Variants in APBB2 observed in about 807,000 individuals in gnomAD.
APBB2 encodes the protein Fe65-like 1.
Under a neutral mutation model 82.5 loss-of-function variants are expected in APBB2, and 38 were observed. That is an observed-to-expected ratio of 0.46 (90% CI 0.36 to 0.60). APBB2 has a LOEUF of 0.60. Ranked by LOEUF, APBB2 falls within the 20% of genes least tolerant of loss-of-function variation. The pLI is 0.00. For synonymous variants in APBB2, 341 were observed against 368.2 expected, an observed-to-expected ratio of 0.93 and a Z score of 0.85; for missense variants, 772 against 972.3, an observed-to-expected ratio of 0.79 and a Z score of 2.74.
At chr4:41,179,197 A>T (rs1387704303) in intron 1 of APBB2, among the ~76,000 whole-genome samples, 1 of 152,220 alleles carries the variant, frequency 6.6e-6, no homozygotes, top group African/African-American at 2.4e-5. Context: ...ACTGTGTTCT[A>T]ATGTTCTGAG....
At chr4:40,948,890 C>CAAAAAAAAAAAAAAAAAAAAAAAAAA (rs59172492) in intron 6 of APBB2, among the ~76,000 whole-genome samples, 2 of 101,614 alleles carry the variant, frequency 2.0e-5, no homozygotes, top group African/African-American at 8.1e-5. Flanking sequence ...ATCCTGTCTC[C>CAAAAAAAAAAAAAAAAAAAAAAAAAA]AAAAAAAAAA....
At chr4:40,951,654 G>A (rs77907703) in intron 6 of APBB2, among the ~76,000 whole-genome samples, 3 of 152,210 alleles carry the variant, frequency 2.0e-5, no homozygotes, top group South Asian at 2.1e-4. Flanking sequence ...GTAAAACAGG[G>A]ATCATAATAG....
At chr4:41,139,533 T>C (rs1580348848) in intron 2 of APBB2, among the ~76,000 whole-genome samples, 2 of 152,148 alleles carry the variant, frequency 1.3e-5, no homozygotes, top group African/African-American at 4.8e-5. Flanking sequence ...TGTCCTTCAA[T>C]AGGTGAATGG....
chr4:41,034,361 G>C (rs1278624381), intron 4 of APBB2, among the ~76,000 whole-genome samples: 1 of 152,204 alleles, frequency 6.6e-6, no homozygotes, highest in East Asian at 1.9e-4. Flanking sequence ...GTCTGGCTCT[G>C]TCACCCAGGC....
intron 1 of APBB2, chr4:41,177,486 T>C (rs896160768): frequency 6.6e-6 from 1 of 152,222 alleles, no homozygotes; most frequent in Non-Finnish European, 1.5e-5. Flanking sequence ...AATTAACAAA[T>C]ATTTATTTTA....
Position 41,122,715 on chromosome 4 carries a change from A to T in APBB2, c.-261+20272T>A, listed in dbSNP as rs1464941392. The stretch of plus-strand genomic sequence containing the variant: ...ATGCCATTATCTGCAATAAACCACA[A>T]GGCAGAGGATATATCTTGTAATTTC... On this transcript the variant is annotated intron_variant, in intron 2 of 17. Coordinates refer to ENST00000508593, the MANE Select transcript of APBB2 (RefSeq NM_004307.2). 3.3e-5 allele frequency among the ~76,000 whole-genome samples: 5 copies of T among 152,212 alleles called. No individual in the cohort carries two copies. The East Asian group carries it at 9.6e-4, about 29-fold the overall frequency.
rs188024475 is a variant in APBB2, at chr4:40,906,543, G to T, written c.1255-13132C>A. ...AAAATTCCCACCAGTACTTAGTTAA[G>T]GGGATTTCAGAGTCCCAATGAGGAG... On this transcript the variant is annotated intron_variant, in intron 10 of 17. Coordinates refer to ENST00000508593, the MANE Select transcript of APBB2 (RefSeq NM_004307.2). Among the ~76,000 whole-genome samples, 179 of 151,454 alleles carry T rather than the reference G, an allele frequency of 1.2e-3. 1 individual carries two copies. Among genetic ancestry groups the T allele is most frequent in the African/African-American group, 4.0e-3 (166 of 41,214 alleles).
chr4:41,012,795 A>T (rs1808760608), intron 6 of APBB2, among the ~76,000 whole-genome samples: 2 of 152,218 alleles, frequency 1.3e-5, no homozygotes, highest in African/African-American at 4.8e-5. Flanking sequence ...CGCTGAATTC[A>T]GATACAATAA....
chr4:41,182,330 T>C (rs1771655760), intron 1 of APBB2, among the ~76,000 whole-genome samples: 1 of 152,262 alleles, frequency 6.6e-6, no homozygotes, highest in African/African-American at 2.4e-5. Context: ...TTCTACTGAA[T>C]GATTACTCTA....
At chr4:40,873,111 ACC>A (rs1458067637) in intron 12 of APBB2, among the ~76,000 whole-genome samples, 2 of 149,376 alleles carry the variant, frequency 1.3e-5, no homozygotes, top group Non-Finnish European at 3.0e-5. Context: ...AAAAGATGGT[ACC>A]GTATATGGAT....
At chr4:41,187,252 G>C (rs1195549438) in intron 1 of APBB2, among the ~76,000 whole-genome samples, 1 of 152,026 alleles carries the variant, frequency 6.6e-6, no homozygotes, top group African/African-American at 2.4e-5. Context: ...TGGGATTTCA[G>C]GTGATTTTTT....
chr4:40,842,451 A>G, intron 12 of APBB2: 1 of 440,112 alleles, frequency 2.3e-6, no homozygotes, highest in Non-Finnish European at 4.6e-6. Context: ...CCAATAACAC[A>G]GCCCCGTTAA....
intron 6 of APBB2, among the ~76,000 whole-genome samples, chr4:40,975,511 T>C (rs1301227351): frequency 1.3e-5 from 2 of 152,162 alleles, no homozygotes; most frequent in Admixed American, 6.5e-5. Context: ...CTTGAGGCTA[T>C]AAACCTCATG....
intron 2 of APBB2, among the ~76,000 whole-genome samples, chr4:41,124,862 T>C (rs1753934414): frequency 6.6e-6 from 1 of 152,334 alleles, no homozygotes; most frequent in East Asian, 1.9e-4. Flanking sequence ...CCTAAGTACC[T>C]TCAATCTGCC....
chr4:41,211,376 G>C (rs1441380288), intron 1 of APBB2, among the ~76,000 whole-genome samples: 1 of 151,734 alleles, frequency 6.6e-6, no homozygotes, highest in Admixed American at 6.6e-5. Context: ...TTTCCTAAAA[G>C]TCTGTCCCAC....
intron 6 of APBB2, among the ~76,000 whole-genome samples, chr4:40,987,668 T>C (rs1719959769): frequency 6.6e-6 from 1 of 151,366 alleles, no homozygotes; most frequent in Non-Finnish European, 1.5e-5. Context: ...AGGGTTCTGG[T>C]TGATGGCCAC....
chr4:40,896,105 C>T (rs1364771909), intron 10 of APBB2, among the ~76,000 whole-genome samples: 2 of 151,812 alleles, frequency 1.3e-5, no homozygotes, highest in Non-Finnish European at 2.9e-5. Flanking sequence ...TGCTCTGTCA[C>T]CCCGGCTGGA....
At chr4:40,949,553 G>T (rs1271867058) in intron 6 of APBB2, among the ~76,000 whole-genome samples, 1 of 152,008 alleles carries the variant, frequency 6.6e-6, no homozygotes, top group Non-Finnish European at 1.5e-5. Context: ...CTTAATGGCC[G>T]CCCTCCGATG....
intron 6 of APBB2, among the ~76,000 whole-genome samples, chr4:40,955,975 T>C (rs1047710497): frequency 2.6e-5 from 4 of 152,068 alleles, no homozygotes; most frequent in South Asian, 2.1e-4. Context: ...GGTTTCACCA[T>C]GTTGGCCAGG....
Sources: gnomAD v4.1 joint callset for allele counts (sites outside exome capture counted in the v4.1 genomes callset) on GRCh38, gnomAD v4.1.1 for gene constraint, MANE v1.5 for transcripts, NCBI Gene and HGNC (gene_info 2026-07-23, HGNC 2026-07-21) for gene names.